The following SOX5 variants were observed in gnomAD, a reference collection of about 807,000 sequenced individuals.
SOX5 encodes SRY-box transcription factor 5.
SOX5 carries 9 observed loss-of-function variants against 92.0 expected under a neutral mutation model. The observed-to-expected ratio is 0.10, with a 90% CI of 0.06 to 0.17. The LOEUF (loss-of-function observed/expected upper bound fraction) is 0.17, where lower values mean the gene tolerates loss of function less well. Ranked by LOEUF, SOX5 falls within the 10% of genes least tolerant of loss-of-function variation. SOX5 has a pLI of 1.00. For synonymous variants in SOX5, 344 were observed against 336.3 expected (o/e 1.02, Z -0.25); for missense variants, 642 against 944.5 (o/e 0.68, Z 4.20).
At chr12:24,025,397 TAGAGAGAAA>T (rs1307483654) in intron 4 of SOX5, among the ~76,000 whole-genome samples, 7 of 152,120 alleles carry the variant, frequency 4.6e-5, no homozygotes, top group Admixed American at 2.0e-4. Flanking sequence ...GAATCCAGTC[TAGAGAGAAA>T]GAATTGAAAG....
chr12:23,633,617 G>GA (rs2078840986), intron 8 of SOX5, among the ~76,000 whole-genome samples: 1 of 151,766 alleles, frequency 6.6e-6, no homozygotes, highest in African/African-American at 2.4e-5. Flanking sequence ...GAAGAAGAAT[G>GA]AAAAAAAGAA....
chr12:24,401,451 T>G (rs1713194757), intron 1 of SOX5, among the ~76,000 whole-genome samples: 1 of 151,990 alleles, frequency 6.6e-6, no homozygotes, highest in African/African-American at 2.4e-5. Context: ...GGCTCGCACC[T>G]GTAATCCCAG....
chr12:24,128,785 T>C (rs2138450750), intron 4 of SOX5, among the ~76,000 whole-genome samples: 1 of 152,318 alleles, frequency 6.6e-6, no homozygotes. Flanking sequence ...TAACATGATA[T>C]GATTATAATA....
At chr12:23,965,553 C>A (rs1200795789) in intron 4 of SOX5, among the ~76,000 whole-genome samples, 1 of 152,132 alleles carries the variant, frequency 6.6e-6, no homozygotes, top group Non-Finnish European at 1.5e-5. Flanking sequence ...ATTGTGATAA[C>A]CACAACCACT....
intron 6 of SOX5, among the ~76,000 whole-genome samples, chr12:23,719,074 C>T (rs747033311): frequency 2.4e-4 from 37 of 152,148 alleles, no homozygotes; most frequent in Non-Finnish European, 3.7e-4. Context: ...TTATTTGATA[C>T]TCTTTAGTAT....
intron 11 of SOX5, among the ~76,000 whole-genome samples, chr12:23,559,647 C>T (rs1945840040): frequency 6.6e-6 from 1 of 152,148 alleles, no homozygotes; most frequent in Admixed American, 6.5e-5. Flanking sequence ...GACCTTCTAG[C>T]TGGGATAACC....
At chr12:24,279,056 A>T (rs111540407) in intron 2 of SOX5, among the ~76,000 whole-genome samples, 4,218 of 152,096 alleles carry the variant, frequency 0.028, 84 homozygotes, top group Non-Finnish European at 0.045. Context: ...GTATTTTTAT[A>T]TTTTTATTAT....
At chr12:24,048,352 C>T (rs1448959371) in intron 4 of SOX5, among the ~76,000 whole-genome samples, 2 of 152,102 alleles carry the variant, frequency 1.3e-5, no homozygotes, top group Non-Finnish European at 2.9e-5. Flanking sequence ...TGATGAATTT[C>T]AGAATTCCGC....
intron 3 of SOX5, among the ~76,000 whole-genome samples, chr12:24,276,734 A>G (rs1410544052): frequency 6.6e-6 from 1 of 152,144 alleles, no homozygotes; most frequent in Non-Finnish European, 1.5e-5. Flanking sequence ...ATTAGAAAAT[A>G]TTTGTCTGGC....
At chr12:23,704,069 A>C (rs1206373653) in intron 6 of SOX5, among the ~76,000 whole-genome samples, 1 of 151,992 alleles carries the variant, frequency 6.6e-6, no homozygotes. Flanking sequence ...AGACAGAACT[A>C]CATGGTTTTT....
chr12:23,613,136 T>C (rs1228453343), intron 8 of SOX5, among the ~76,000 whole-genome samples: 1 of 152,192 alleles, frequency 6.6e-6, no homozygotes, highest in Non-Finnish European at 1.5e-5. Context: ...TTCACTGTGC[T>C]GAATACCAGG....
intron 4 of SOX5, among the ~76,000 whole-genome samples, chr12:23,994,137 A>G (rs1452921809): frequency 6.6e-6 from 1 of 152,020 alleles, no homozygotes; most frequent in Non-Finnish European, 1.5e-5. Context: ...AACAAAATAA[A>G]ACAAAAACAA....
chr12:23,842,026 A>G (rs1399055063), intron 3 of SOX5, among the ~76,000 whole-genome samples: 1 of 152,142 alleles, frequency 6.6e-6, no homozygotes, highest in Non-Finnish European at 1.5e-5. Flanking sequence ...AGAATACAGA[A>G]CTAGTTTAAC....
At chr12:23,720,842 A>C (rs530163007) in intron 6 of SOX5, among the ~76,000 whole-genome samples, 2 of 152,274 alleles carry the variant, frequency 1.3e-5, no homozygotes, top group East Asian at 3.9e-4. Context: ...TAAAGTCAAC[A>C]TGATGGGCTC....
chr12:24,204,476 C>T lies in SOX5; in HGVS notation c.-2+8867G>A, dbSNP rs185948636. Among the ~76,000 whole-genome samples the T allele has an allele frequency of 5.7e-3, 862 of 151,950 alleles. 9 individuals carry two copies. The highest frequency in any genetic ancestry group is 0.02 in the African/African-American group (817 of 41,458). ...CCTGAGTAACTGGGATTATGGGTGG[C>T]CACTACCATGTCTGACTAATTTTTG... On this transcript the variant is annotated intron_variant, in intron 4 of 4. Coordinates refer to the SOX5 transcript ENST00000446891.
rs1321080744 is a variant in SOX5, at chr12:23,578,143, A to AAAAAAAAAAAAAAAAAC, written c.1165-2306_1165-2305insGTTTTTTTTTTTTTTTT. ...AAAAAAAAAAAAAAAAAAAAAAAAA[A>AAAAAAAAAAAAAAAAAC]AAAAAAACTATAGGGGCAATATTAT... On this transcript the variant is annotated intron_variant, in intron 9 of 14. Coordinates refer to ENST00000451604, the MANE Select transcript of SOX5 (RefSeq NM_006940.6). Among the ~76,000 whole-genome samples, 55 of 126,200 alleles carry AAAAAAAAAAAAAAAAAC rather than the reference A, an allele frequency of 4.4e-4. 1 individual carries two copies. The highest frequency in any genetic ancestry group is 6.4e-4 in the Non-Finnish European group (37 of 57,614). The allele number at this position is 126,200 out of a possible 152,430, so 82.8% of individuals were successfully genotyped here.
chr12:24,112,338 A>T (rs1393752405), intron 4 of SOX5, among the ~76,000 whole-genome samples: 1 of 152,114 alleles, frequency 6.6e-6, no homozygotes, highest in African/African-American at 2.4e-5. Context: ...ATGTATAGCT[A>T]CATTCATGCT....
chr12:24,151,268 T>C (rs1476809102), intron 4 of SOX5, among the ~76,000 whole-genome samples: 1 of 152,138 alleles, frequency 6.6e-6, no homozygotes, highest in Non-Finnish European at 1.5e-5. Flanking sequence ...TTACTAAGTA[T>C]TTTTATTATA....
rs139948776 is a variant in SOX5, at chr12:23,607,926, C to T, written c.1018-3393G>A. 3.7e-3 allele frequency among the ~76,000 whole-genome samples: 569 copies of T among 151,752 alleles called. 3 individuals are homozygous for T. Among genetic ancestry groups the T allele is most frequent in the African/African-American group, 0.013 (528 of 41,364 alleles). On this transcript the variant is annotated intron_variant, in intron 8 of 14. Coordinates refer to ENST00000451604, the MANE Select transcript of SOX5 (RefSeq NM_006940.6). ...TTTATGATAGTGAAGTTGTCTAAAA[C>T]ATCGGAAACAAACAGGTGACACTAA...
Sources: gnomAD v4.1 joint callset for allele counts (sites outside exome capture counted in the v4.1 genomes callset) on GRCh38, gnomAD v4.1.1 for gene constraint, MANE v1.5 for transcripts, NCBI Gene and HGNC (gene_info 2026-07-23, HGNC 2026-07-21) for gene names.